The following TSG101 variants were observed in gnomAD, a reference collection of about 807,000 sequenced individuals.
TSG101 encodes the protein tumor susceptibility gene 101 protein.
A neutral mutation model predicts 48.5 loss-of-function variants in TSG101; 19 were observed. The ratio of observed to expected loss-of-function variants is 0.39; its 90% CI spans 0.27 to 0.58. The LOEUF is 0.58. Ranked by LOEUF, TSG101 falls within the 20% of genes least tolerant of loss-of-function variation. The pLI is 0.55. For missense variants in TSG101, 365 were observed against 484.4 expected (o/e 0.75, Z 2.31); for synonymous variants, 174 against 169.4 (o/e 1.03, Z -0.21).
chr11:18,481,918 T>C, intron 8 of TSG101, 49 bp from the exon 9 acceptor site: 2 of 1,594,072 alleles, frequency 1.3e-6, no homozygotes, highest in Non-Finnish European at 1.7e-6. Flanking sequence ...AATTATCCAC[T>C]TGTCAGACAC....
intron 2 of TSG101, 67 bp downstream of exon 2, chr11:18,519,451 AT>A (rs1850231944): frequency 1.5e-6 from 2 of 1,325,344 alleles, no homozygotes; most frequent in Non-Finnish European, 2.1e-6. Flanking sequence ...AATGGAAAAA[AT>A]TACAATCATT....
intron 7 of TSG101, among the ~76,000 whole-genome samples, chr11:18,494,401 G>C (rs1390567116): frequency 6.6e-6 from 1 of 152,112 alleles, no homozygotes; most frequent in Non-Finnish European, 1.5e-5. Flanking sequence ...TATTCTATAG[G>C]AATAACGACA....
At chr11:18,509,392 C>T in intron 5 of TSG101, 150 bp downstream of exon 5, 3 of 1,033,468 alleles carry the variant, frequency 2.9e-6, no homozygotes, top group Non-Finnish European at 4.0e-6. Flanking sequence ...TCTGTACATG[C>T]AGATGTGGGG....
At chr11:18,504,551 C>T (rs1229723375) in intron 6 of TSG101, among the ~76,000 whole-genome samples, 3 of 152,328 alleles carry the variant, frequency 2.0e-5, no homozygotes, top group African/African-American at 7.2e-5. Flanking sequence ...GTCAATCCTA[C>T]TGAAATTTCT....
intron 7 of TSG101, among the ~76,000 whole-genome samples, chr11:18,499,393 TA>T (rs1565087407): frequency 0.091 from 827 of 9,112 alleles, 32 homozygotes; most frequent in Non-Finnish European, 0.14. Context: ...TATATATATA[TA>T]TATATATATT....
chr11:18,499,952 T>C (rs1308980331), intron 7 of TSG101, among the ~76,000 whole-genome samples: 4 of 152,188 alleles, frequency 2.6e-5, no homozygotes, highest in Non-Finnish European at 5.9e-5. Flanking sequence ...ATTCCTTCTA[T>C]CTAACTGTAT....
At chr11:18,490,757 C>T (rs942306842) in intron 7 of TSG101, 11 of 496,950 alleles carry the variant, frequency 2.2e-5, no homozygotes, top group Non-Finnish European at 3.6e-5. Context: ...CCTCTGTTTT[C>T]TGCTCAATGC....
chr11:18,513,183 G>A (rs757097362), intron 4 of TSG101, among the ~76,000 whole-genome samples: 3 of 151,950 alleles, frequency 2.0e-5, no homozygotes, highest in Non-Finnish European at 4.4e-5. Context: ...TAAGACTGCT[G>A]AAAACTTGGC....
intron 7 of TSG101, among the ~76,000 whole-genome samples, chr11:18,499,289 T>C (rs1407472802): frequency 8.6e-6 from 1 of 115,786 alleles, no homozygotes; most frequent in South Asian, 2.9e-4. Flanking sequence ...ATATATCATA[T>C]ATATTTATAT....
Position 18,480,367 on chromosome 11 carries a change from G to T in TSG101, c.*179C>A. On this transcript the variant is annotated 3_prime_UTR_variant, in exon 10 of 10. Coordinates refer to ENST00000251968, the MANE Select transcript of TSG101 (RefSeq NM_006292.4). ...CATTCAGCACAAAAAGTTTACAGAG[G>T]ATAGAAAGTGCATTAATAAAAGCCA... The T allele has an allele frequency of 2.1e-6, 1 of 476,730 alleles. No homozygotes were observed. The highest frequency in any genetic ancestry group is 3.7e-6 in the Non-Finnish European group (1 of 270,436). The allele number at this position is 476,730 out of a possible 1,614,324, so 29.5% of individuals were successfully genotyped here.
At chr11:18,494,979 T>C (rs965638106) in intron 7 of TSG101, among the ~76,000 whole-genome samples, 2 of 152,232 alleles carry the variant, frequency 1.3e-5, no homozygotes, top group African/African-American at 4.8e-5. Context: ...CAGTATGGAC[T>C]AAAGAGTGGA....
intron 1 of TSG101, 30 bp from the exon 2 acceptor site, chr11:18,519,633 T>C: frequency 1.3e-6 from 2 of 1,523,166 alleles, no homozygotes; most frequent in Non-Finnish European, 1.8e-6. Context: ...AAGAATTTAG[T>C]TTAAAACCAA....
chr11:18,512,868 T>C (rs900078877), intron 4 of TSG101, among the ~76,000 whole-genome samples: 5 of 151,696 alleles, frequency 3.3e-5, no homozygotes, highest in South Asian at 2.1e-4. Flanking sequence ...GCTGGGATTA[T>C]AGACATGTGC....
intron 1 of TSG101, among the ~76,000 whole-genome samples, 200 bp downstream of exon 1, chr11:18,526,575 C>T (rs1180771130): frequency 6.6e-6 from 1 of 152,262 alleles, no homozygotes; most frequent in Non-Finnish European, 1.5e-5. Flanking sequence ...TCGCCGTCCC[C>T]CACCCTCCCA....
At chr11:18,515,773 T>C (rs1051238956) in intron 3 of TSG101, among the ~76,000 whole-genome samples, 6 of 152,254 alleles carry the variant, frequency 3.9e-5, no homozygotes, top group Admixed American at 3.9e-4. Flanking sequence ...CTTCCCATTG[T>C]CAGGAAAGTT....
At chr11:18,490,600 CTCCTT>C (rs1436297185) in intron 7 of TSG101, 2 of 467,986 alleles carry the variant, frequency 4.3e-6, no homozygotes, top group South Asian at 2.0e-5. Flanking sequence ...CTAAAATAAT[CTCCTT>C]TCATTTTCAA....
At position 18,502,502 on chromosome 11, in the gene TSG101, A is replaced by G. The variant is rs1211184285; in HGVS notation, c.624T>C (p.Pro208=). ...ATTSSQYPSQ[P]PVTTVGPSRD... ...GGTACTTACCAACAGTGGTCACAGG[A>G]GGCTGAGAAGGGTACTGAGAACTTG... The change falls in exon 7 of 10, where the codon CCT becomes CCC. Residue 208 remains proline (P), a synonymous_variant. Transcript: ENST00000251968. 1 of 1,613,150 alleles carries G rather than the reference A, an allele frequency of 6.2e-7. No individual in the cohort carries two copies. The highest frequency in any genetic ancestry group is 8.5e-7 in the Non-Finnish European group (1 of 1,179,584).
chr11:18,502,844 T>G (rs1304419016), intron 6 of TSG101, among the ~76,000 whole-genome samples: 1 of 152,146 alleles, frequency 6.6e-6, no homozygotes, highest in African/African-American at 2.4e-5. Context: ...GTAACTAGAG[T>G]ATTTCTAAGG....
chr11:18,514,595 T>TCC, intron 4 of TSG101, 83 bp downstream of exon 4: 1 of 1,203,952 alleles, frequency 8.3e-7, no homozygotes, highest in Admixed American at 3.0e-5. Flanking sequence ...CCTCGAATCC[T>TCC]CCTTGAGTGC....
Sources: allele counts gnomAD v4.1 joint callset (sites outside exome capture counted in the v4.1 genomes callset), GRCh38; gene constraint gnomAD v4.1.1; transcripts MANE v1.5; gene names NCBI Gene and HGNC (gene_info 2026-07-23, HGNC 2026-07-21).